The following FOLH1 variants were observed in gnomAD, a reference collection of about 807,000 sequenced individuals.
The protein encoded by FOLH1 is folate hydrolase 1, also known as glutamate carboxypeptidase 2.
In FOLH1, 54 loss-of-function variants were observed where a neutral mutation model predicts 93.9. The ratio of observed to expected loss-of-function variants is 0.57; its 90% CI spans 0.46 to 0.72. The LOEUF (loss-of-function observed/expected upper bound fraction) is 0.72. Ranked by LOEUF, FOLH1 falls within the 30% of genes least tolerant of loss-of-function variation. The probability of loss-of-function intolerance (pLI) is 0.00; values close to 1 mark genes in which losing one functional copy is unlikely to be tolerated. For synonymous variants in FOLH1, 249 were observed against 303.6 expected (o/e 0.82, Z 1.87); for missense variants, 571 against 892.5 (o/e 0.64, Z 4.59).
intron 10 of FOLH1, among the ~76,000 whole-genome samples, chr11:49,172,457 C>T (rs988636145): frequency 6.6e-6 from 1 of 152,160 alleles, no homozygotes; most frequent in Non-Finnish European, 1.5e-5. Context: ...TATGCTGCCA[C>T]ATGCTAGCTA....
In FOLH1 at chr11:49,208,518, C is replaced by T; in HGVS notation, c.-109G>A. ...AAAGTCTCTCTCAATCTCACTAATG[C>T]CTCGCTTATCAGCCCTGCAGGCTGG... On this transcript the variant is annotated 5_prime_UTR_variant, in exon 1 of 19. Transcript: ENST00000256999. 4.3e-6 allele frequency: 3 copies of T among 700,704 alleles called. No homozygotes were observed. The highest frequency in any genetic ancestry group is 3.9e-5 in the South Asian group (2 of 50,712). The allele number at this position is 700,704 out of a possible 1,614,324, so 43.4% of individuals were successfully genotyped here.
rs1169334043 is a variant in FOLH1, at chr11:49,164,914, A to G, written c.1373-142T>C. On this transcript the variant is annotated intron_variant, in intron 12 of 18. Coordinates refer to ENST00000256999, the MANE Select transcript of FOLH1 (RefSeq NM_004476.3). ...TAACTCTCCAATGGCTTCCCAACTA[A>G]CTCTGTAAAGTCCATCATTCTCACC... 8.7e-6 allele frequency: 6 copies of G among 688,324 alleles called. No individual in the cohort carries two copies. In the Admixed American group the frequency reaches 1.6e-4, roughly 18 times the overall value. 42.6% of individuals were successfully genotyped at this position (688,324 alleles called of 1,614,324 possible). A position where few individuals can be genotyped will look rare whatever the true frequency, so the allele number is the denominator to read the frequency against.
chr11:49,199,051 A>G (rs1862995271), intron 3 of FOLH1, among the ~76,000 whole-genome samples: 1 of 152,174 alleles, frequency 6.6e-6, no homozygotes, highest in Non-Finnish European at 1.5e-5. Context: ...TTAATCATTA[A>G]GAAGAGACTG....
At position 49,208,322 on chromosome 11, in the gene FOLH1, C is replaced by T. The variant is rs753879892; in HGVS notation, c.88G>A (p.Gly30Ser). Reference protein sequence around the residue: ...WLCAGALVLAGGFFLLGFLFG... With the variant: ...WLCAGALVLASGFFLLGFLFG... The stretch of plus-strand genomic sequence containing the variant: ...AGGAAGCCGAGGAGAAAGAAGCCAC[C>T]CGCCAGCACCAGCGCCCCAGCGCAC... Residue 30 changes from glycine to serine, a missense_variant, in exon 1 of 19, where the codon GGT becomes AGT. Gly to Ser is a moderately conservative substitution (Grantham distance 56). Around this residue, in one of 2 missense-constraint regions of FOLH1, gnomAD observed 71 missense variants for 69.6 expected, o/e 1.02. Transcript: ENST00000256999. 590 of 1,586,994 alleles carry T rather than the reference C, an allele frequency of 3.7e-4. 1 individual carries two copies. The highest frequency in any genetic ancestry group is 7.3e-4 in the South Asian group (64 of 88,082).
chr11:49,184,450 T>C (rs1416520739), intron 6 of FOLH1, among the ~76,000 whole-genome samples: 1 of 152,246 alleles, frequency 6.6e-6, no homozygotes, highest in Non-Finnish European at 1.5e-5. Flanking sequence ...AATCTCATTT[T>C]ATTTTCATTA....
intron 17 of FOLH1, among the ~76,000 whole-genome samples, chr11:49,150,352 A>G (rs1462682154): frequency 1.3e-5 from 2 of 152,202 alleles, no homozygotes; most frequent in Non-Finnish European, 2.9e-5. Flanking sequence ...GCACAGAAAC[A>G]GTTGTATGTG....
intron 1 of FOLH1, chr11:49,206,752 A>G (rs1479593122): frequency 3.3e-6 from 5 of 1,535,114 alleles, no homozygotes; most frequent in Non-Finnish European, 4.4e-6. Flanking sequence ...CCAAGTTCAG[A>G]CAGCTACAAT....
At chr11:49,197,318 A>G (rs748183886) in intron 3 of FOLH1, among the ~76,000 whole-genome samples, 1 of 152,338 alleles carries the variant, frequency 6.6e-6, no homozygotes, top group Non-Finnish European at 1.5e-5. Flanking sequence ...TTTTAATGTC[A>G]AGGAAATGCC....
Position 49,186,736 on chromosome 11 carries a change from C to T in FOLH1, c.547G>A (p.Glu183Lys). ...DLVYVNYART[E>K]DFFKLERDMK... ...TCCCGTTCCAATTTAAAGAAGTCTTCAGTTCGTGCATAGTTAACATACACT... is the reference window on the plus strand; with the variant it reads ...TCCCGTTCCAATTTAAAGAAGTCTTTAGTTCGTGCATAGTTAACATACACT... Residue 183 changes from glutamate (E) to lysine (K), a missense_variant, in exon 5 of 19, where the codon GAA becomes AAA. Coordinates refer to ENST00000256999, the MANE Select transcript of FOLH1 (RefSeq NM_004476.3). 6.2e-7 allele frequency: 1 copy of T among 1,613,064 alleles called. No homozygotes were observed. The highest frequency in any genetic ancestry group is 8.5e-7 in the Non-Finnish European group (1 of 1,179,596).
At chr11:49,155,385 C>T (rs1402043541) in intron 15 of FOLH1, among the ~76,000 whole-genome samples, 2 of 152,032 alleles carry the variant, frequency 1.3e-5, no homozygotes, top group African/African-American at 2.4e-5. Context: ...GATTTTCCAT[C>T]TGGGAAGAAT....
intron 3 of FOLH1, among the ~76,000 whole-genome samples, chr11:49,193,667 G>T (rs1234752182): frequency 1.3e-5 from 2 of 151,152 alleles, no homozygotes; most frequent in African/African-American, 2.4e-5. Flanking sequence ...AATTAAATTG[G>T]AAAAAAAATA....
rs202236145 is a variant in FOLH1, at chr11:49,187,035, A to ACCC, written c.514-269_514-267dup. 3.1e-3 allele frequency among the ~76,000 whole-genome samples: 461 copies of ACCC among 149,970 alleles called. 4 individuals carry two copies. Among genetic ancestry groups the ACCC allele is most frequent in the Non-Finnish European group, 4.2e-3 (283 of 66,982 alleles). ...GCTACGAAGCTGAAGCTACAGAAGC[A>ACCC]CCCCCCCCACACACACACAGAAAAG... is the stretch of plus-strand genomic sequence containing the variant. On this transcript the variant is annotated intron_variant, in intron 4 of 18. Coordinates refer to ENST00000256999, the MANE Select transcript of FOLH1 (RefSeq NM_004476.3).
chr11:49,167,709 G>A (rs989446653), intron 12 of FOLH1, among the ~76,000 whole-genome samples: 20 of 152,044 alleles, frequency 1.3e-4, no homozygotes, highest in Non-Finnish European at 2.4e-4. Flanking sequence ...AGCTACCAAG[G>A]AGGCTGAGGT....
intron 10 of FOLH1, 142 bp from the exon 11 acceptor site, chr11:49,171,419 C>A (rs1294142631): frequency 1.7e-6 from 2 of 1,172,508 alleles, no homozygotes; most frequent in Non-Finnish European, 2.3e-6. Flanking sequence ...TCTTTACTTA[C>A]GTAACTTTTT....
At chr11:49,163,107 T>A (rs1348234304) in intron 13 of FOLH1, among the ~76,000 whole-genome samples, 1 of 152,102 alleles carries the variant, frequency 6.6e-6, no homozygotes, top group Non-Finnish European at 1.5e-5. Context: ...GTAGAGCAAC[T>A]GTGCTGTGGT....
At chr11:49,191,091 A>G (rs892248361) in intron 4 of FOLH1, among the ~76,000 whole-genome samples, 2 of 152,128 alleles carry the variant, frequency 1.3e-5, no homozygotes, top group African/African-American at 4.8e-5. Context: ...GGCTCACTGC[A>G]AGCTCCACCT....
At chr11:49,174,319 T>C (rs1270791262) in intron 9 of FOLH1, among the ~76,000 whole-genome samples, 1 of 152,142 alleles carries the variant, frequency 6.6e-6, no homozygotes, top group African/African-American at 2.4e-5. Flanking sequence ...TGGTAAGAAA[T>C]ACAGAACAAA....
At chr11:49,188,407 G>A (rs1417482114) in intron 4 of FOLH1, among the ~76,000 whole-genome samples, 3 of 151,756 alleles carry the variant, frequency 2.0e-5, no homozygotes, top group Admixed American at 6.6e-5. Context: ...CCAGCTACTC[G>A]GGGGCTGAGG....
At position 49,146,582 on chromosome 11, in the gene FOLH1, A is replaced by G; in HGVS notation, c.*174T>C. 1 of 582,324 alleles carries G rather than the reference A, an allele frequency of 1.7e-6. No homozygotes were observed. Among genetic ancestry groups the G allele is most frequent in the South Asian group, 4.2e-5 (1 of 23,814 alleles). The allele number at this position is 582,324 out of a possible 1,614,324, so 36.1% of individuals were successfully genotyped here. ...TAATTATGAAATTCAGTTTTAATCC[A>G]TAGGGAGAAGATAAACAATATAAAC... On this transcript the variant is annotated 3_prime_UTR_variant, in exon 19 of 19. Transcript: ENST00000256999.
Sources: allele counts gnomAD v4.1 joint callset (sites outside exome capture counted in the v4.1 genomes callset), GRCh38; gene constraint gnomAD v4.1.1; regional missense constraint gnomAD v4.1.1; transcripts MANE v1.5; gene names NCBI Gene and HGNC (gene_info 2026-07-23, HGNC 2026-07-21).